Variants in METTL9 observed in about 807,000 individuals in gnomAD.
The protein encoded by METTL9 is methyltransferase 9, His-X-His N1(pi)-histidine, also known as protein-L-histidine N-pros-methyltransferase.
METTL9 carries 10 observed loss-of-function variants against 36.0 expected under a neutral mutation model. That is an observed-to-expected ratio of 0.28 (90% confidence interval 0.17 to 0.47). The LOEUF (loss-of-function observed/expected upper bound fraction) is 0.47. Among genes scored for constraint, METTL9 ranks in the 20% least tolerant of loss-of-function variants. The probability of loss-of-function intolerance (pLI) is 0.99; values close to 1 mark genes in which losing one functional copy is unlikely to be tolerated. For missense variants in METTL9, 246 were observed against 383.5 expected (o/e 0.64, Z 3.00); for synonymous variants, 175 against 149.7 (o/e 1.17, Z -1.23).
intron 1 of METTL9, among the ~76,000 whole-genome samples, chr16:21,610,471 G>A (rs1388695337): frequency 1.3e-5 from 2 of 152,208 alleles, no homozygotes; most frequent in Admixed American, 6.5e-5. Flanking sequence ...CATGCAAATG[G>A]TCAGAAAGGA....
intron 2 of METTL9, among the ~76,000 whole-genome samples, chr16:21,615,382 A>G (rs1037352971): frequency 6.6e-5 from 10 of 151,990 alleles, no homozygotes; most frequent in African/African-American, 2.4e-4. Context: ...GGCTCATGCC[A>G]CCGTGCCTGG....
intron 3 of METTL9, among the ~76,000 whole-genome samples, chr16:21,623,918 G>A (rs1472035680): frequency 2.0e-5 from 3 of 151,928 alleles, no homozygotes; most frequent in Non-Finnish European, 4.4e-5. Context: ...TTACAGGCAC[G>A]CGCCACCACA....
chr16:21,600,825 T>G (rs2152891975), intron 1 of METTL9, among the ~76,000 whole-genome samples: 1 of 152,356 alleles, frequency 6.6e-6, no homozygotes, highest in South Asian at 2.1e-4. Flanking sequence ...TGTTGGCTTG[T>G]CATAGCTAGC....
upstream of METTL9, chr16:21,599,412 T>A: frequency 9.1e-7 from 1 of 1,095,516 alleles, no homozygotes; most frequent in Non-Finnish European, 1.1e-6. The surrounding 1 kb of genome is among the most constrained non-coding windows in gnomAD (Gnocchi z 4.4). Context: ...CGCGCTCCCT[T>A]TGTCCCGCCT....
intron 4 of METTL9, among the ~76,000 whole-genome samples, chr16:21,650,069 G>C (rs1241522760): frequency 2.0e-5 from 3 of 152,116 alleles, no homozygotes; most frequent in African/African-American, 7.2e-5. Context: ...GGCTGATTGA[G>C]CCCAGGAATT....
chr16:21,655,554 G>A lies in METTL9; in HGVS notation c.*122G>A. The A allele has an allele frequency of 1.2e-6, 1 of 854,094 alleles. No homozygotes were observed. The highest frequency in any genetic ancestry group is 1.8e-6 in the Non-Finnish European group (1 of 556,474). The allele number at this position is 854,094 out of a possible 1,614,324, so 52.9% of individuals were successfully genotyped here. A position where few individuals can be genotyped will look rare whatever the true frequency, so the allele number is the denominator to read the frequency against. The stretch of plus-strand genomic sequence containing the variant: ...GGACCGCCATTCTAAATATCATGTA[G>A]GAATTTAAAAAGCCAAAATACTAAT... On this transcript the variant is annotated 3_prime_UTR_variant, in exon 5 of 5. Coordinates refer to ENST00000358154, the MANE Select transcript of METTL9 (RefSeq NM_016025.5).
In METTL9 at chr16:21,656,502, C is replaced by T. The variant is rs1179621194; in HGVS notation, c.*1070C>T. The T allele has an allele frequency of 6.6e-6, 1 of 152,110 alleles. No homozygotes were observed. Among genetic ancestry groups the T allele is most frequent in the African/African-American group, 2.4e-5 (1 of 41,400 alleles). The allele number at this position is 152,110 out of a possible 1,614,324, so 9.4% of individuals were successfully genotyped here. On this transcript the variant is annotated 3_prime_UTR_variant, in exon 5 of 5. Transcript: ENST00000358154. ...TCTGGAATCCGTGAGTGCCTCCAAC[C>T]ATAAACCCAGAAATGCTGCCATAGA...
intron 4 of METTL9, chr16:21,627,450 G>C (rs1965840848): frequency 1.1e-6 from 1 of 891,990 alleles, no homozygotes; most frequent in African/African-American, 1.8e-5. Flanking sequence ...TACTGACCCA[G>C]TTTTGGCTAG....
At chr16:21,598,313 C>T (rs1194999112), upstream of METTL9, among the ~76,000 whole-genome samples, 2 of 147,096 alleles carry the variant, frequency 1.4e-5, no homozygotes, top group Non-Finnish European at 3.0e-5. Flanking sequence ...CGAGCCACTG[C>T]ACTCCAGCCT....
At chr16:21,629,507 A>T (rs1201640070) in intron 4 of METTL9, among the ~76,000 whole-genome samples, 1 of 152,162 alleles carries the variant, frequency 6.6e-6, no homozygotes, top group Non-Finnish European at 1.5e-5. Flanking sequence ...TTCAGGAATG[A>T]AGCTACAAAC....
intron 4 of METTL9, among the ~76,000 whole-genome samples, chr16:21,649,285 G>A (rs954232387): frequency 1.2e-4 from 19 of 152,242 alleles, no homozygotes; most frequent in Admixed American, 4.6e-4. Flanking sequence ...GAGCCACTGC[G>A]CCTTGCTCTC....
At chr16:21,607,451 C>T (rs1418390040) in intron 1 of METTL9, among the ~76,000 whole-genome samples, 1 of 152,112 alleles carries the variant, frequency 6.6e-6, no homozygotes, top group African/African-American at 2.4e-5. Context: ...ATTCAAAACG[C>T]GTGGCAGCCA....
At chr16:21,653,101 CTCCAGTTTTGAA>C (rs1194843851) in intron 4 of METTL9, 1 of 152,294 alleles carries the variant, frequency 6.6e-6, no homozygotes, top group African/African-American at 2.4e-5. Flanking sequence ...ACTTTTTGTA[CTCCAGTTTTGAA>C]TCCAAAGACA....
intron 2 of METTL9, among the ~76,000 whole-genome samples, chr16:21,613,342 CCTGT>C (rs1965481323): frequency 2.0e-5 from 3 of 151,884 alleles, no homozygotes; most frequent in Admixed American, 6.6e-5. Context: ...CACCACCACA[CCTGT>C]CTAATTTTTG....
intron 4 of METTL9, chr16:21,652,926 A>C (rs1327304162): frequency 3.9e-6 from 1 of 257,990 alleles, no homozygotes; most frequent in Non-Finnish European, 7.3e-6. Flanking sequence ...TGGATTTTTC[A>C]GAACAGTTCA....
chr16:21,608,465 G>A (rs1461570530), intron 1 of METTL9, among the ~76,000 whole-genome samples: 1 of 152,152 alleles, frequency 6.6e-6, no homozygotes, highest in African/African-American at 2.4e-5. Context: ...AGGCCAGCGA[G>A]TCCATCTTTT....
At chr16:21,646,655 T>G in intron 4 of METTL9, 2 of 222,956 alleles carry the variant, frequency 9.0e-6, no homozygotes, top group Non-Finnish European at 1.8e-5. Flanking sequence ...TGGATTGGAG[T>G]AGTTCTTTTG....
chr16:21,599,405 G>A, upstream of METTL9: 2 of 1,085,722 alleles, frequency 1.8e-6, no homozygotes, highest in Non-Finnish European at 2.2e-6. The surrounding 1 kb of genome is among the most constrained non-coding windows in gnomAD (Gnocchi z 4.4). Context: ...GCGGATGCGC[G>A]CTCCCTTTGT....
At position 21,639,351 on chromosome 16, in the gene METTL9, G is replaced by A. The variant is rs866322148; in HGVS notation, c.751+14236G>A. Reference sequence around the variant, plus strand: ...GTCTCCTGGTTAGACAATGAACAGTGTATTTTCAGTCCTGGAATTCAGTAC... The same window carrying A: ...GTCTCCTGGTTAGACAATGAACAGTATATTTTCAGTCCTGGAATTCAGTAC... On this transcript the variant is annotated intron_variant, in intron 4 of 4. Coordinates refer to ENST00000358154, the MANE Select transcript of METTL9 (RefSeq NM_016025.5). Among the ~76,000 whole-genome samples the A allele has an allele frequency of 3.9e-4, 59 of 152,284 alleles. 1 individual carries two copies. In the Middle Eastern group the frequency reaches 0.02, roughly 53 times the overall value.
Sources: allele counts gnomAD v4.1 joint callset (sites outside exome capture counted in the v4.1 genomes callset), GRCh38; gene constraint gnomAD v4.1.1; non-coding constraint Gnocchi (gnomAD v3.1); transcripts MANE v1.5; gene names NCBI Gene and HGNC (gene_info 2026-07-23, HGNC 2026-07-21).